Variants in NPAS3 observed in about 807,000 individuals in gnomAD.
NPAS3 encodes the protein neuronal PAS domain protein 3.
Under a neutral mutation model 73.1 loss-of-function variants are expected in NPAS3, and 14 were observed. The observed-to-expected ratio is 0.19, with a 90% CI of 0.13 to 0.30. NPAS3 has a LOEUF of 0.30. Among genes scored for constraint, NPAS3 ranks in the 10% least tolerant of loss-of-function variants. NPAS3 has a pLI of 1.00. For missense variants in NPAS3, 1,096 were observed against 1,250.0 expected (o/e 0.88, Z 1.86); for synonymous variants, 620 against 541.5 (o/e 1.14, Z -2.01).
At chr14:33,166,780 G>A (rs1008513816) in intron 2 of NPAS3, among the ~76,000 whole-genome samples, 3 of 151,910 alleles carry the variant, frequency 2.0e-5, no homozygotes, top group Admixed American at 2.0e-4. Flanking sequence ...ATGAATTTGG[G>A]GTGGAAAAAA....
intron 7 of NPAS3, among the ~76,000 whole-genome samples, chr14:33,738,640 C>T (rs73260603): frequency 0.073 from 11,122 of 152,182 alleles, 888 homozygotes; most frequent in African/African-American, 0.2. Flanking sequence ...TCAGGAAAGT[C>T]GCCCTCTCTC....
intron 5 of NPAS3, among the ~76,000 whole-genome samples, chr14:33,658,144 A>G (rs186710687): frequency 1.3e-5 from 2 of 152,362 alleles, no homozygotes; most frequent in African/African-American, 4.8e-5. Flanking sequence ...TTATGTGCTT[A>G]GAAGACTTTA....
chr14:33,769,997 T>A (rs957547317), intron 7 of NPAS3, among the ~76,000 whole-genome samples: 1 of 151,952 alleles, frequency 6.6e-6, no homozygotes, highest in Non-Finnish European at 1.5e-5. Flanking sequence ...ACTCCTGGGC[T>A]CAAGCAATCC....
intron 3 of NPAS3, among the ~76,000 whole-genome samples, chr14:33,290,130 A>G (rs1432134389): frequency 2.0e-5 from 3 of 152,212 alleles, no homozygotes; most frequent in Non-Finnish European, 4.4e-5. Flanking sequence ...AAATATATCT[A>G]TCACAGCTTT....
intron 7 of NPAS3, among the ~76,000 whole-genome samples, chr14:33,759,462 A>T (rs2062215548): frequency 6.6e-6 from 1 of 152,194 alleles, no homozygotes; most frequent in South Asian, 2.1e-4. Context: ...GCCTAGAGAG[A>T]GTGCTTGCCC....
At chr14:33,624,414 A>G (rs1439764398) in intron 5 of NPAS3, among the ~76,000 whole-genome samples, 5 of 152,192 alleles carry the variant, frequency 3.3e-5, no homozygotes, top group Non-Finnish European at 5.9e-5. Context: ...GGATTTGTGA[A>G]TCTCTGAAAT....
chr14:33,684,254 C>T (rs1297564930), intron 6 of NPAS3, among the ~76,000 whole-genome samples: 2 of 150,238 alleles, frequency 1.3e-5, no homozygotes, highest in Admixed American at 6.6e-5. Flanking sequence ...TAGTCTCTTA[C>T]TTAGAACTAA....
intron 2 of NPAS3, among the ~76,000 whole-genome samples, chr14:33,095,173 G>T (rs1481644139): frequency 1.3e-5 from 2 of 152,194 alleles, no homozygotes; most frequent in African/African-American, 2.4e-5. Flanking sequence ...TATAAAATTG[G>T]AGGCTGTGCG....
intron 5 of NPAS3, among the ~76,000 whole-genome samples, chr14:33,611,380 AAACATCTGAATCTTGGATGAC>A (rs1445669855): frequency 4.6e-5 from 7 of 152,214 alleles, no homozygotes; most frequent in South Asian, 2.1e-4. Flanking sequence ...CATTAAACAC[AAACATCTGAATCTTGGATGAC>A]AACATCTGAA....
At chr14:33,649,163 T>C (rs1453369575) in intron 5 of NPAS3, among the ~76,000 whole-genome samples, 1 of 152,310 alleles carries the variant, frequency 6.6e-6, no homozygotes, top group Non-Finnish European at 1.5e-5. Flanking sequence ...AATCCCAGTA[T>C]ACAAAACTTG....
intron 7 of NPAS3, among the ~76,000 whole-genome samples, chr14:33,736,598 C>A (rs1325016848): frequency 2.0e-5 from 3 of 151,850 alleles, no homozygotes; most frequent in African/African-American, 7.3e-5. Flanking sequence ...AACTATGTAG[C>A]CTTAGCAAGT....
intron 2 of NPAS3, among the ~76,000 whole-genome samples, chr14:33,060,265 C>T (rs1320873715): frequency 6.6e-6 from 1 of 152,178 alleles, no homozygotes; most frequent in East Asian, 1.9e-4. Context: ...TATAGTTGGA[C>T]ACTGCCATAG....
intron 3 of NPAS3, among the ~76,000 whole-genome samples, chr14:33,294,090 A>G (rs1464715777): frequency 3.3e-5 from 5 of 152,146 alleles, no homozygotes; most frequent in African/African-American, 1.2e-4. Flanking sequence ...CTGAGGAGGG[A>G]AAGCTTGCTG....
chr14:33,360,126 A>G (rs1386628752), intron 3 of NPAS3, among the ~76,000 whole-genome samples: 2 of 152,212 alleles, frequency 1.3e-5, no homozygotes, highest in Non-Finnish European at 2.9e-5. Flanking sequence ...TCAGCTTCGC[A>G]TCCCGAGTTC....
intron 6 of NPAS3, among the ~76,000 whole-genome samples, chr14:33,710,106 G>A (rs182306986): frequency 8.5e-5 from 13 of 152,308 alleles, no homozygotes; most frequent in African/African-American, 2.9e-4. Context: ...TATTACATTA[G>A]CAAATTTAAT....
chr14:33,082,940 G>A (rs545537050), intron 2 of NPAS3, among the ~76,000 whole-genome samples: 1 of 152,178 alleles, frequency 6.6e-6, no homozygotes, highest in African/African-American at 2.4e-5. Flanking sequence ...CACCTTGGGA[G>A]GCTGAGATAG....
intron 1 of NPAS3, among the ~76,000 whole-genome samples, chr14:32,976,221 C>A (rs1351994319): frequency 6.6e-6 from 1 of 152,036 alleles, no homozygotes; most frequent in Non-Finnish European, 1.5e-5. Flanking sequence ...AGCCAGTGAG[C>A]GAGGTGGTGG....
chr14:33,088,326 G>T (rs2042105042), intron 2 of NPAS3, among the ~76,000 whole-genome samples: 2 of 151,102 alleles, frequency 1.3e-5, no homozygotes. Flanking sequence ...GGAAAATCGG[G>T]TCACTCCCAC....
chr14:33,062,193 G>T (rs895722255), intron 2 of NPAS3, among the ~76,000 whole-genome samples: 8 of 152,006 alleles, frequency 5.3e-5, no homozygotes, highest in African/African-American at 1.9e-4. Flanking sequence ...GCTGCTGTGG[G>T]AGTGTTCCAT....
Sources: allele counts gnomAD v4.1 joint callset (sites outside exome capture counted in the v4.1 genomes callset), GRCh38; gene constraint gnomAD v4.1.1; transcripts MANE v1.5; gene names NCBI Gene and HGNC (gene_info 2026-07-23, HGNC 2026-07-21).